The following CECR2 variants were observed in gnomAD, a reference collection of about 807,000 sequenced individuals.
The protein encoded by CECR2 is chromatin remodeling regulator CECR2.
CECR2 carries 30 observed loss-of-function variants against 154.5 expected under a neutral mutation model. That is an observed-to-expected ratio of 0.19 (90% confidence interval 0.15 to 0.26). The LOEUF (loss-of-function observed/expected upper bound fraction) is 0.26, where lower values mean the gene tolerates loss of function less well. Among genes scored for constraint, CECR2 ranks in the 10% least tolerant of loss-of-function variants. The pLI is 1.00. For missense variants in CECR2, 1,743 were observed against 1,829.3 expected (o/e 0.95, Z 0.86); for synonymous variants, 725 against 683.7 (o/e 1.06, Z -0.94).
At chr22:17,535,616 A>T (rs1190258479) in intron 9 of CECR2, among the ~76,000 whole-genome samples, 6 of 152,050 alleles carry the variant, frequency 3.9e-5, no homozygotes, top group Admixed American at 3.9e-4. Flanking sequence ...AAAGTTTGAC[A>T]GGTTGGGTGA....
At chr22:17,486,754 A>G (rs1210887334) in intron 2 of CECR2, among the ~76,000 whole-genome samples, 1 of 152,268 alleles carries the variant, frequency 6.6e-6, no homozygotes, top group African/African-American at 2.4e-5. Flanking sequence ...AAGAAGATCA[A>G]GTGAAAGCTT....
intron 2 of CECR2, among the ~76,000 whole-genome samples, chr22:17,485,542 G>T (rs766962145): frequency 1.3e-5 from 2 of 152,142 alleles, no homozygotes; most frequent in Non-Finnish European, 1.5e-5. Context: ...GCCGAGGCAG[G>T]CCGCTCACAT....
intron 1 of CECR2, among the ~76,000 whole-genome samples, chr22:17,476,405 G>A (rs562769995): frequency 2.0e-5 from 3 of 151,996 alleles, no homozygotes; most frequent in African/African-American, 7.2e-5. Context: ...GGGATCACAG[G>A]TGCGTGCCAC....
intron 1 of CECR2, among the ~76,000 whole-genome samples, chr22:17,406,527 C>A (rs895425405): frequency 1.3e-5 from 2 of 152,032 alleles, no homozygotes; most frequent in African/African-American, 4.8e-5. Flanking sequence ...TTCTGTTCCT[C>A]CCCCCACCCC....
At chr22:17,502,670 G>A (rs1241132743) in intron 5 of CECR2, among the ~76,000 whole-genome samples, 3 of 152,110 alleles carry the variant, frequency 2.0e-5, no homozygotes, top group Non-Finnish European at 2.9e-5. Context: ...GCACCTGGTG[G>A]CGGGTGCCTA....
chr22:17,549,798 T>TG (rs1207203112), intron 17 of CECR2, among the ~76,000 whole-genome samples: 1 of 148,302 alleles, frequency 6.7e-6, no homozygotes, highest in Non-Finnish European at 1.5e-5. Context: ...TTTTTTTTTT[T>TG]TTTTTTTGGT....
intron 8 of CECR2, among the ~76,000 whole-genome samples, chr22:17,515,034 A>G (rs947580667): frequency 6.6e-6 from 1 of 152,106 alleles, no homozygotes; most frequent in Non-Finnish European, 1.5e-5. Flanking sequence ...AAAAAAAAAA[A>G]AAAGAAAAGC....
intron 16 of CECR2, among the ~76,000 whole-genome samples, chr22:17,543,837 GC>G (rs1211322967): frequency 1.3e-5 from 2 of 152,138 alleles, no homozygotes; most frequent in African/African-American, 2.4e-5. Context: ...AGGATTACAG[GC>G]ATGAGCCTTC....
intron 1 of CECR2, among the ~76,000 whole-genome samples, chr22:17,414,549 G>A (rs571722867): frequency 6.8e-6 from 1 of 147,834 alleles, no homozygotes; most frequent in Admixed American, 6.8e-5. Flanking sequence ...AAGTTCTAGG[G>A]TACATGTGCA....
chr22:17,436,405 A>G (rs1326985115), intron 1 of CECR2, among the ~76,000 whole-genome samples: 1 of 152,344 alleles, frequency 6.6e-6, no homozygotes, highest in East Asian at 1.9e-4. Context: ...TCTAGTTCCT[A>G]AAATAAGAAA....
At position 17,542,223 on chromosome 22, in the gene CECR2, G is replaced by C; in HGVS notation, c.2080G>C (p.Gly694Arg). The change falls in exon 16 of 19, where the codon GGG becomes CGG. Residue 694 changes from glycine to arginine, a missense_variant. By Grantham distance (125) the Gly-to-Arg change is moderately radical (BLOSUM62 -2). Around this residue, in one of 4 missense-constraint regions of CECR2, gnomAD observed 1,250 missense variants for 1,192.1 expected, o/e 1.05. Transcript: ENST00000262608. Reference protein sequence around the residue: ...LGTPEEKQMCGGLTHLSNMGP... With the variant: ...LGTPEEKQMCRGLTHLSNMGP... ...CACACCAGAGGAGAAGCAAATGTGC[G>C]GGGGGCTGACACACCTTTCTAACAT... 1 of 1,611,802 alleles carries C rather than the reference G, an allele frequency of 6.2e-7. No homozygotes were observed. The highest frequency in any genetic ancestry group is 2.2e-5 in the East Asian group (1 of 44,770).
intron 2 of CECR2, among the ~76,000 whole-genome samples, chr22:17,493,079 C>G (rs1314731902): frequency 6.6e-6 from 1 of 152,148 alleles, no homozygotes; most frequent in Non-Finnish European, 1.5e-5. Flanking sequence ...TCAAGTGATT[C>G]TCCTGCCTCA....
rs1319345987 is a variant in CECR2, at chr22:17,540,514, G to A, written c.1598G>A (p.Arg533Gln). Residue 533 changes from arginine (R) to glutamine (Q), a missense_variant, in exon 14 of 19, where the codon CGA becomes CAA. Transcript: ENST00000262608. ...GACACAGATGAAGAATTTTGGATTC[G>A]AGAGGATGAAAAGCGGGAGAAAAGA... Reference protein sequence around the residue: ...DGDTDEEFWIREDEKREKRRS... With the variant: ...DGDTDEEFWIQEDEKREKRRS... The A allele has an allele frequency of 4.3e-6, 7 of 1,611,426 alleles. No individual in the cohort carries two copies. The highest frequency in any genetic ancestry group is 1.1e-5 in the South Asian group (1 of 90,566).
chr22:17,385,735 C>T (rs1176315176), intron 1 of CECR2, among the ~76,000 whole-genome samples: 8 of 152,124 alleles, frequency 5.3e-5, no homozygotes, highest in Admixed American at 1.3e-4. Flanking sequence ...CTCGCAGGGT[C>T]GGCACGAAAT....
chr22:17,491,908 A>G (rs968037955), intron 2 of CECR2, among the ~76,000 whole-genome samples: 5 of 152,222 alleles, frequency 3.3e-5, no homozygotes, highest in Non-Finnish European at 7.3e-5. Context: ...TGAAATAACC[A>G]TGATTTTAAC....
chr22:17,487,075 T>C (rs544088383), intron 2 of CECR2, among the ~76,000 whole-genome samples: 5 of 152,226 alleles, frequency 3.3e-5, no homozygotes, highest in Non-Finnish European at 7.3e-5. Flanking sequence ...TTCTTCATTT[T>C]TGACAATTCT....
At chr22:17,538,763 T>C (rs1315221061) in intron 12 of CECR2, 32 bp downstream of exon 12, 6 of 1,535,972 alleles carry the variant, frequency 3.9e-6, no homozygotes, top group Non-Finnish European at 5.4e-6. Flanking sequence ...ATGCCTACTA[T>C]AGTGTGTATA....
chr22:17,381,919 A>G (rs1485738721), intron 1 of CECR2, among the ~76,000 whole-genome samples: 8 of 149,774 alleles, frequency 5.3e-5, no homozygotes, highest in South Asian at 2.1e-4. Context: ...ACGGAGTCTC[A>G]CTCTGTCACC....
At chr22:17,486,047 A>G (rs1428823397) in intron 2 of CECR2, among the ~76,000 whole-genome samples, 1 of 152,192 alleles carries the variant, frequency 6.6e-6, no homozygotes, top group Admixed American at 6.5e-5. Context: ...TGGCGCAGTC[A>G]TAGCTGACTG....
Sources: allele counts gnomAD v4.1 joint callset (sites outside exome capture counted in the v4.1 genomes callset), GRCh38; gene constraint gnomAD v4.1.1; regional missense constraint gnomAD v4.1.1; transcripts MANE v1.5; gene names NCBI Gene and HGNC (gene_info 2026-07-23, HGNC 2026-07-21).